The following LLGL2 variants were observed in gnomAD, a reference collection of about 807,000 sequenced individuals.
LLGL2 encodes LLGL scribble cell polarity complex component 2.
Under a neutral mutation model 123.2 loss-of-function variants are expected in LLGL2, and 81 were observed. That is an observed-to-expected ratio of 0.66 (90% CI 0.55 to 0.79). The LOEUF (loss-of-function observed/expected upper bound fraction) is 0.79. Ranked by LOEUF, LLGL2 falls within the 30% of genes least tolerant of loss-of-function variation. The pLI, the probability that LLGL2 is intolerant of heterozygous loss-of-function variation, is 0.00. For synonymous variants in LLGL2, 577 were observed against 594.1 expected (o/e 0.97, Z 0.42); for missense variants, 1,273 against 1,414.6 (o/e 0.90, Z 1.61).
intron 2 of LLGL2, among the ~76,000 whole-genome samples, chr17:75,548,465 C>G (rs915906559): frequency 6.6e-6 from 1 of 151,948 alleles, no homozygotes; most frequent in African/African-American, 2.4e-5. Flanking sequence ...TTCAGAGCTA[C>G]TCCCATGTCT....
chr17:75,558,051 C>T lies in LLGL2; in HGVS notation c.174-104C>T, dbSNP rs2054996776. 1.8e-6 allele frequency: 2 copies of T among 1,109,622 alleles called. No individual in the cohort carries two copies. The highest frequency in any genetic ancestry group is 4.7e-5 in the East Asian group (2 of 42,464). 68.7% of individuals were successfully genotyped at this position (1,109,622 alleles called of 1,614,324 possible). On this transcript the variant is annotated intron_variant, in intron 3 of 25. Transcript: ENST00000392550. The surrounding 1 kb of genome is among the most constrained non-coding windows in gnomAD (Gnocchi z 4.0). ...CTGCTGCCTCGGGGGAGGGCAGCCC[C>T]TCTCTGTGTTTGCATCATTGCACAT...
rs145540577 is a variant in LLGL2, at chr17:75,555,321, G to A, written c.76-725G>A. The stretch of plus-strand genomic sequence containing the variant: ...TTTTTTTTTTTTGAGACGGAGTCTC[G>A]CTCTGTCGCCCAGGCTGCTCTGCCT... On this transcript the variant is annotated intron_variant, in intron 2 of 25. Coordinates refer to ENST00000392550, the MANE Select transcript of LLGL2 (RefSeq NM_001031803.2). Among the ~76,000 whole-genome samples, 406 of 145,520 alleles carry A rather than the reference G, an allele frequency of 2.8e-3. 1 individual carries two copies. The highest frequency in any genetic ancestry group is 7.6e-3 in the Middle Eastern group (2 of 264).
chr17:75,534,568 C>A (rs1052887543), intron 1 of LLGL2, among the ~76,000 whole-genome samples: 1 of 152,184 alleles, frequency 6.6e-6, no homozygotes, highest in Non-Finnish European at 1.5e-5. Context: ...GCAGCCTCAA[C>A]CTCCTGGGCT....
chr17:75,568,923 CT>C, intron 12 of LLGL2, 54 bp from the exon 13 acceptor site: 1 of 1,583,024 alleles, frequency 6.3e-7, no homozygotes, highest in Non-Finnish European at 8.6e-7. Flanking sequence ...GAGCCAGCCC[CT>C]GGGCATCCCG....
rs533720875 is a variant in LLGL2 at position 75,564,551 on chromosome 17, G to A, written c.1036+44G>A. ...TGGGTGCCCAGGGTTAGGTGTGGGA[G>A]GCATGGGGCAGGACCATCAGTAAAG... On this transcript the variant is annotated intron_variant, in intron 10 of 25. Coordinates refer to ENST00000392550, the MANE Select transcript of LLGL2 (RefSeq NM_001031803.2). This position sits in a 1 kb window ranked among gnomAD's most constrained non-coding sequence, Gnocchi z 4.9. 6.2e-6 allele frequency: 10 copies of A among 1,611,062 alleles called. No homozygotes were observed. Among genetic ancestry groups the A allele is most frequent in the Middle Eastern group, 1.7e-4 (1 of 6,050 alleles).
At chr17:75,551,034 C>T (rs1028093848) in intron 2 of LLGL2, among the ~76,000 whole-genome samples, 2 of 152,170 alleles carry the variant, frequency 1.3e-5, no homozygotes, top group Non-Finnish European at 2.9e-5. Context: ...TGCCTCTCTG[C>T]CCAGCCCGAG....
chr17:75,574,545 G>A (rs2055886151), intron 24 of LLGL2, 50 bp downstream of exon 24: 2 of 1,589,242 alleles, frequency 1.3e-6, no homozygotes, highest in Non-Finnish European at 1.7e-6. Flanking sequence ...TCTGCCAGAG[G>A]GCTCAGGGGA....
Position 75,564,625 on chromosome 17 carries a change from G to A in LLGL2, c.1036+118G>A. 1 of 1,507,866 alleles carries A rather than the reference G, an allele frequency of 6.6e-7. No homozygotes were observed. Among genetic ancestry groups the A allele is most frequent in the Non-Finnish European group, 9.0e-7 (1 of 1,116,390 alleles). The allele number at this position is 1,507,866 out of a possible 1,614,324, so 93.4% of individuals were successfully genotyped here. A position where few individuals can be genotyped will look rare whatever the true frequency, so the allele number is the denominator to read the frequency against. On this transcript the variant is annotated intron_variant, in intron 10 of 25. Transcript: ENST00000392550. The surrounding 1 kb of genome is among the most constrained non-coding windows in gnomAD (Gnocchi z 4.9). ...TGCCTGTAACCCCAGTGCTGTGGGA[G>A]GCCAAGGTGGTAGGATCGCTTGAAC...
At position 75,568,500 on chromosome 17, in the gene LLGL2, T is replaced by C; in HGVS notation, c.1061T>C (p.Val354Ala). 1 of 1,613,256 alleles carries C rather than the reference T, an allele frequency of 6.2e-7. No individual in the cohort carries two copies. The highest frequency in any genetic ancestry group is 1.7e-5 in the Admixed American group (1 of 60,020). The change falls in exon 11 of 26, where the codon GTG becomes GCG. Residue 354 changes from valine to alanine, a missense_variant. Val to Ala is a moderately conservative substitution (Grantham distance 64, BLOSUM62 0). Coordinates refer to ENST00000392550, the MANE Select transcript of LLGL2 (RefSeq NM_001031803.2). ...AATFDDPYALVVLAEEELVVI... is the reference protein window; with the variant it reads ...AATFDDPYALAVLAEEELVVI... Reference sequence around the variant, plus strand: ...GCCTTTGACGACCCCTATGCCCTGGTGGTGCTGGCTGAGGAGGAGCTGGTG... The same window carrying C: ...GCCTTTGACGACCCCTATGCCCTGGCGGTGCTGGCTGAGGAGGAGCTGGTG...
intron 21 of LLGL2, among the ~76,000 whole-genome samples, 153 bp downstream of exon 21, chr17:75,573,784 C>G (rs2055844383): frequency 6.6e-6 from 1 of 152,076 alleles, no homozygotes; most frequent in African/African-American, 2.4e-5. Context: ...TCTTTGCGTG[C>G]CCCTTGCCCC....
rs1192633431 is a variant in LLGL2, at chr17:75,573,767, C to T, written c.2876+136C>T. ...GCCCACCCTCCCAGGCTCCGGCTCT[C>T]CTTGCCTCTTTGCGTGCCCCTTGCC... On this transcript the variant is annotated intron_variant, in intron 21 of 25. Transcript: ENST00000392550. 4.1e-6 allele frequency: 5 copies of T among 1,228,772 alleles called. No individual in the cohort carries two copies. The Admixed American group carries it at 9.1e-5, about 22-fold the overall frequency. 76.1% of individuals were successfully genotyped at this position (1,228,772 alleles called of 1,614,324 possible). A position where few individuals can be genotyped will look rare whatever the true frequency, so the allele number is the denominator to read the frequency against.
intron 1 of LLGL2, among the ~76,000 whole-genome samples, chr17:75,529,039 C>T (rs1013282797): frequency 2.0e-5 from 3 of 151,508 alleles, no homozygotes; most frequent in African/African-American, 4.9e-5. Context: ...GCCTGTAATC[C>T]CAGCTACTCA....
intron 10 of LLGL2, among the ~76,000 whole-genome samples, chr17:75,567,636 C>T (rs555791534): frequency 2.3e-4 from 34 of 147,136 alleles, no homozygotes; most frequent in Admixed American, 9.5e-4. Context: ...AAGACTCCAT[C>T]TCAAAAAAAA....
intron 1 of LLGL2, among the ~76,000 whole-genome samples, chr17:75,532,763 A>G (rs563320184): frequency 6.6e-6 from 1 of 152,276 alleles, no homozygotes; most frequent in East Asian, 1.9e-4. Context: ...TAATTCTGGA[A>G]TTCTCTGGGG....
At chr17:75,527,536 C>G (rs1239222969) in intron 1 of LLGL2, among the ~76,000 whole-genome samples, 2 of 152,004 alleles carry the variant, frequency 1.3e-5, no homozygotes, top group African/African-American at 2.4e-5. Context: ...ACACTACATT[C>G]ATAAATAAGA....
In LLGL2 at chr17:75,568,525, G is replaced by T. The variant is rs772435141; in HGVS notation, c.1086G>T (p.Val362=). The T allele has an allele frequency of 8.7e-6, 14 of 1,613,652 alleles. No individual in the cohort carries two copies. Among genetic ancestry groups the T allele is most frequent in the Non-Finnish European group, 1.2e-5 (14 of 1,180,018 alleles). Residue 362 remains valine (V), a synonymous_variant, in exon 11 of 26, where the codon GTG becomes GTT. Transcript: ENST00000392550. Reference sequence around the variant, plus strand: ...TGGTGCTGGCTGAGGAGGAGCTGGTGGTGATTGACCTGCAGACAGCAGGCT... The same window carrying T: ...TGGTGCTGGCTGAGGAGGAGCTGGTTGTGATTGACCTGCAGACAGCAGGCT... The part of the protein sequence containing the change: ...ALVVLAEEEL[V]VIDLQTAGWP...
Position 75,574,627 on chromosome 17 carries a change from C to T in LLGL2, c.3014C>T (p.Ser1005Leu), listed in dbSNP as rs753041664. 4 of 1,612,260 alleles carry T rather than the reference C, an allele frequency of 2.5e-6. No homozygotes were observed. The highest frequency in any genetic ancestry group is 3.4e-6 in the Non-Finnish European group (4 of 1,179,684). Residue 1005 changes from serine (S) to leucine (L), a missense_variant, in exon 25 of 26, where the codon TCA (serine) becomes TTA (leucine). Ser to Leu is a moderately radical substitution (Grantham distance 145). Coordinates refer to ENST00000392550, the MANE Select transcript of LLGL2 (RefSeq NM_001031803.2). ...EGDRGSGNWRSHRAAVGCSLS... is the reference protein window; with the variant it reads ...EGDRGSGNWRLHRAAVGCSLS... Reference sequence around the variant, plus strand: ...CTGTGCAGGAGCGGCAACTGGCGTTCACATCGAGCCGCCGTGGGGTGCAGC... The same window carrying T: ...CTGTGCAGGAGCGGCAACTGGCGTTTACATCGAGCCGCCGTGGGGTGCAGC...
At chr17:75,552,692 G>A (rs2054731995) in intron 2 of LLGL2, among the ~76,000 whole-genome samples, 2 of 152,206 alleles carry the variant, frequency 1.3e-5, no homozygotes, top group South Asian at 4.1e-4. Flanking sequence ...ATGATTTACA[G>A]TGGAAAAAGG....
At chr17:75,542,884 T>G (rs983601780) in intron 1 of LLGL2, 2 of 152,218 alleles carry the variant, frequency 1.3e-5, no homozygotes, top group Non-Finnish European at 2.9e-5. Context: ...TTCCCCGAGG[T>G]CAGAAGGAGG....
Sources: gnomAD v4.1 joint callset for allele counts (sites outside exome capture counted in the v4.1 genomes callset) on GRCh38, gnomAD v4.1.1 for gene constraint, Gnocchi (gnomAD v3.1) non-coding constraint, MANE v1.5 for transcripts, NCBI Gene and HGNC (gene_info 2026-07-23, HGNC 2026-07-21) for gene names.